TOGARAM1: variants seen among roughly 807,000 people sequenced by gnomAD.
TOGARAM1 encodes the protein TOG array regulator of axonemal microtubules 1.
Under a neutral mutation model 166.6 loss-of-function variants are expected in TOGARAM1, and 100 were observed. That is an observed-to-expected ratio of 0.60 (90% CI 0.51 to 0.71). The LOEUF is 0.71. Ranked by LOEUF, TOGARAM1 falls within the 30% of genes least tolerant of loss-of-function variation. The probability of loss-of-function intolerance (pLI) is 0.00; values close to 1 mark genes in which losing one functional copy is unlikely to be tolerated. For synonymous variants in TOGARAM1, 758 were observed against 763.8 expected, an observed-to-expected ratio of 0.99 and a Z score of 0.13; for missense variants, 2,029 against 2,102.7, an observed-to-expected ratio of 0.96 and a Z score of 0.69.
intron 8 of TOGARAM1, among the ~76,000 whole-genome samples, chr14:45,027,069 T>A (rs1348502392): frequency 6.6e-6 from 1 of 152,160 alleles, no homozygotes; most frequent in East Asian, 1.9e-4. Flanking sequence ...TATGTGTGCT[T>A]ACCACTTATA....
chr14:45,060,617 C>T (rs1290715146), intron 16 of TOGARAM1, among the ~76,000 whole-genome samples: 2 of 152,164 alleles, frequency 1.3e-5, no homozygotes, highest in African/African-American at 4.8e-5. Context: ...GATCAGATAT[C>T]TTGGTCAAAA....
chr14:45,044,215 G>T (rs953292633), intron 12 of TOGARAM1, among the ~76,000 whole-genome samples: 1 of 151,982 alleles, frequency 6.6e-6, no homozygotes, highest in African/African-American at 2.4e-5. Context: ...TGACCATATT[G>T]GCCAGGCTGG....
chr14:45,061,537 T>C (rs960559849), intron 16 of TOGARAM1, among the ~76,000 whole-genome samples: 1 of 152,214 alleles, frequency 6.6e-6, no homozygotes, highest in African/African-American at 2.4e-5. Flanking sequence ...TAGAAAGCTC[T>C]TTATCAAATT....
intron 1 of TOGARAM1, among the ~76,000 whole-genome samples, chr14:44,976,596 T>C (rs1886203597): frequency 6.6e-6 from 1 of 152,172 alleles, no homozygotes; most frequent in Non-Finnish European, 1.5e-5. Flanking sequence ...ATTAAAGTTA[T>C]CTCAAGTGTA....
chr14:44,963,235 G>A lies in TOGARAM1; in HGVS notation c.814G>A (p.Glu272Lys). ...GCTTGGTGATCAGGAGACAGAAGAA[G>A]AATCTGAGACAGCTTTCTCCGCACT... ...RKLGDQETEEESETAFSALQQ... is the reference protein window; with the variant it reads ...RKLGDQETEEKSETAFSALQQ... Residue 272 changes from glutamate (E) to lysine (K), a missense_variant, in exon 1 of 20, where the codon GAA (glutamate) becomes AAA (lysine). Glu to Lys is a moderately conservative substitution (Grantham distance 56). Around this residue, in one of 2 missense-constraint regions of TOGARAM1, gnomAD observed 1,453 missense variants for 1,432.2 expected, o/e 1.01. Transcript: ENST00000361462. 1 of 1,614,212 alleles carries A rather than the reference G, an allele frequency of 6.2e-7. No individual in the cohort carries two copies. Among genetic ancestry groups the A allele is most frequent in the Non-Finnish European group, 8.5e-7 (1 of 1,180,038 alleles).
chr14:45,053,902 CAG>C (rs1463098045), intron 15 of TOGARAM1, among the ~76,000 whole-genome samples: 5 of 150,354 alleles, frequency 3.3e-5, no homozygotes, highest in African/African-American at 1.0e-4. Flanking sequence ...TATTTTGAAA[CAG>C]AGTCATGCTC....
chr14:44,964,951 TAA>T (rs35780816), intron 1 of TOGARAM1, among the ~76,000 whole-genome samples: 1 of 85,904 alleles, frequency 1.2e-5, no homozygotes, highest in African/African-American at 4.8e-5. Context: ...ACTAGAAAAG[TAA>T]AAAAAAAAAA....
At chr14:45,016,727 A>G (rs573806689) in intron 7 of TOGARAM1, among the ~76,000 whole-genome samples, 111 of 152,282 alleles carry the variant, frequency 7.3e-4, no homozygotes, top group Non-Finnish European at 1.4e-3. Flanking sequence ...ATTTTATGAA[A>G]TGTTGTAGTA....
chr14:45,016,807 G>A (rs893627520), intron 7 of TOGARAM1, among the ~76,000 whole-genome samples: 1 of 152,112 alleles, frequency 6.6e-6, no homozygotes, highest in Non-Finnish European at 1.5e-5. Flanking sequence ...TTTAAAATAG[G>A]ATAAAACTTC....
At chr14:45,040,000 C>T (rs1317985725) in intron 11 of TOGARAM1, among the ~76,000 whole-genome samples, 4 of 152,192 alleles carry the variant, frequency 2.6e-5, no homozygotes, top group Non-Finnish European at 5.9e-5. Flanking sequence ...ACACATTCCA[C>T]CTACAGCAGC....
At chr14:44,970,860 C>T (rs912464194) in intron 1 of TOGARAM1, among the ~76,000 whole-genome samples, 2 of 152,040 alleles carry the variant, frequency 1.3e-5, no homozygotes, top group African/African-American at 4.8e-5. Context: ...AAATGTTGAG[C>T]CAGCCTTGCA....
intron 1 of TOGARAM1, among the ~76,000 whole-genome samples, chr14:44,987,755 G>A (rs1340257159): frequency 2.5e-4 from 38 of 149,424 alleles, no homozygotes; most frequent in Non-Finnish European, 4.1e-4. Flanking sequence ...CCATTACTGG[G>A]TATATACCCA....
chr14:45,032,174 T>C (rs985311110), intron 10 of TOGARAM1, 49 bp from the exon 11 acceptor site: 2 of 1,549,878 alleles, frequency 1.3e-6, no homozygotes, highest in Non-Finnish European at 1.7e-6. Context: ...AGATAAAAAT[T>C]TTTTTTAAAA....
chr14:44,986,584 A>G (rs1886808562), intron 1 of TOGARAM1, among the ~76,000 whole-genome samples: 1 of 152,176 alleles, frequency 6.6e-6, no homozygotes, highest in East Asian at 1.9e-4. Context: ...GGCATGAGCC[A>G]CCACTCCTGG....
chr14:45,041,259 G>T (rs1326527779), intron 11 of TOGARAM1, among the ~76,000 whole-genome samples: 1 of 151,840 alleles, frequency 6.6e-6, no homozygotes, highest in Non-Finnish European at 1.5e-5. Flanking sequence ...TAATTAGCCG[G>T]CCATGGTGGC....
intron 1 of TOGARAM1, among the ~76,000 whole-genome samples, chr14:44,988,269 G>A (rs1442581543): frequency 2.0e-5 from 3 of 151,994 alleles, no homozygotes; most frequent in African/African-American, 4.8e-5. Context: ...AATCGTAAAA[G>A]CTTTTGAGTT....
At position 45,016,553 on chromosome 14, in the gene TOGARAM1, G is replaced by T. The variant is rs529741221; in HGVS notation, c.3238+4478G>T. ...AGCCACCACACCCGGCCCACACCCA[G>T]TGAATTTTTTAATTTTAATTTTTGA... On this transcript the variant is annotated intron_variant, in intron 7 of 19. Transcript: ENST00000361462. 2.0e-5 allele frequency among the ~76,000 whole-genome samples: 3 copies of T among 152,226 alleles called. No individual in the cohort carries two copies. In the South Asian group the frequency reaches 6.2e-4, roughly 32 times the overall value.
intron 7 of TOGARAM1, among the ~76,000 whole-genome samples, chr14:45,018,229 T>A (rs1880273021): frequency 6.6e-6 from 1 of 152,068 alleles, no homozygotes; most frequent in Non-Finnish European, 1.5e-5. Flanking sequence ...ACTTCTGTAC[T>A]ATGTTATTTC....
chr14:44,969,870 T>A (rs1369509697), intron 1 of TOGARAM1, among the ~76,000 whole-genome samples: 1 of 152,230 alleles, frequency 6.6e-6, no homozygotes, highest in Non-Finnish European at 1.5e-5. Flanking sequence ...TGTGGGTCTT[T>A]TTCTGGGCTC....
Sources: allele counts gnomAD v4.1 joint callset (sites outside exome capture counted in the v4.1 genomes callset), GRCh38; gene constraint gnomAD v4.1.1; regional missense constraint gnomAD v4.1.1; transcripts MANE v1.5; gene names NCBI Gene and HGNC (gene_info 2026-07-23, HGNC 2026-07-21).